The following SPAM1 variants were observed in gnomAD, a reference collection of about 807,000 sequenced individuals.
SPAM1 encodes the protein hyaluronidase PH-20.
In SPAM1, 22 loss-of-function variants were observed where a neutral mutation model predicts 29.6. That is an observed-to-expected ratio of 0.74 (90% CI 0.53 to 1.06). SPAM1 has a LOEUF of 1.06. SPAM1 is among the 50% of genes least tolerant of loss of function. The probability of loss-of-function intolerance (pLI) is 0.00; values close to 1 mark genes in which losing one functional copy is unlikely to be tolerated. For synonymous variants in SPAM1, 194 were observed against 204.6 expected (o/e 0.95, Z 0.44); for missense variants, 534 against 604.0 (o/e 0.88, Z 1.21).
chr7:123,948,966 T>C (rs1163815929), intron 1 of SPAM1, among the ~76,000 whole-genome samples: 1 of 139,882 alleles, frequency 7.1e-6, no homozygotes, highest in Non-Finnish European at 1.6e-5. Flanking sequence ...AGCCAAGAAA[T>C]TTGGCTCTTT....
chr7:123,948,652 C>T (rs1019777077), intron 1 of SPAM1, among the ~76,000 whole-genome samples: 2 of 152,064 alleles, frequency 1.3e-5, no homozygotes, highest in African/African-American at 4.8e-5. Flanking sequence ...GGTTTGCTTT[C>T]ACCAAAGTTA....
chr7:123,932,896 C>G (rs1584947176), intron 1 of SPAM1, among the ~76,000 whole-genome samples: 2 of 152,120 alleles, frequency 1.3e-5, no homozygotes, highest in African/African-American at 4.8e-5. Flanking sequence ...GGTGTCCCAG[C>G]CAATGATATC....
At chr7:123,945,631 G>A (rs1584954110) in intron 1 of SPAM1, among the ~76,000 whole-genome samples, 2 of 152,308 alleles carry the variant, frequency 1.3e-5, no homozygotes, top group Middle Eastern at 3.4e-3. Flanking sequence ...AAAGGGGCAA[G>A]AGGTGCCTGT....
chr7:123,951,603 GC>G (rs1453704479), intron 2 of SPAM1, among the ~76,000 whole-genome samples: 5 of 151,942 alleles, frequency 3.3e-5, no homozygotes, highest in South Asian at 4.2e-4. Flanking sequence ...GGCTCATTCT[GC>G]CCCATGTTTT....
intron 1 of SPAM1, among the ~76,000 whole-genome samples, chr7:123,931,589 C>T (rs781241248): frequency 6.9e-4 from 105 of 152,180 alleles, no homozygotes; most frequent in Non-Finnish European, 6.2e-4. Flanking sequence ...TGAACTGAAG[C>T]GTAAAAATAG....
intron 1 of SPAM1, chr7:123,932,024 A>G (rs1470385148): frequency 2.6e-5 from 4 of 152,250 alleles, no homozygotes. Context: ...CATATGAAAA[A>G]TGACACAAAA....
intron 2 of SPAM1, among the ~76,000 whole-genome samples, chr7:123,952,112 A>T (rs544962340): frequency 6.6e-6 from 1 of 152,116 alleles, no homozygotes; most frequent in East Asian, 1.9e-4. Context: ...TTTCCCCCTA[A>T]TATTATTTTA....
intron 1 of SPAM1, among the ~76,000 whole-genome samples, chr7:123,930,517 C>CT (rs1430739478): frequency 1.3e-5 from 2 of 152,186 alleles, no homozygotes; most frequent in Non-Finnish European, 2.9e-5. Context: ...TGAAAAGACT[C>CT]TCATTTCACA....
Position 123,953,930 on chromosome 7 carries a change from A to C in SPAM1, c.360A>C (p.Leu120Phe). Residue 120 changes from leucine (L) to phenylalanine (F), a missense_variant, in exon 3 of 5, where the codon TTA (leucine) becomes TTC (phenylalanine). Coordinates refer to ENST00000682466, the MANE Select transcript of SPAM1 (RefSeq NM_153189.3). Reference protein sequence around the residue: ...VNGGIPQKISLQDHLDKAKKD... With the variant: ...VNGGIPQKISFQDHLDKAKKD... ...GAGGAATCCCCCAGAAGATTTCCTT[A>C]CAAGACCATCTGGACAAAGCTAAGA... 6.2e-7 allele frequency: 1 copy of C among 1,613,780 alleles called. No individual in the cohort carries two copies. Among genetic ancestry groups the C allele is most frequent in the Non-Finnish European group, 8.5e-7 (1 of 1,179,820 alleles).
chr7:123,962,731 TACTA>T (rs1374069330), downstream of SPAM1, among the ~76,000 whole-genome samples: 1 of 151,930 alleles, frequency 6.6e-6, no homozygotes, highest in Non-Finnish European at 1.5e-5. Context: ...TATGAAATAA[TACTA>T]AGTGGAAAAC....
rs1261850502 is a variant in SPAM1 at position 123,937,441 on chromosome 7, A to T, written c.-319+12089A>T. Among the ~76,000 whole-genome samples the T allele has an allele frequency of 4.6e-5, 7 of 152,024 alleles. No individual in the cohort carries two copies. The East Asian group carries it at 1.2e-3, about 25-fold the overall frequency. Reference sequence around the variant, plus strand: ...ATGGTGAAATCCCGTCTCTACTAAAAATACAAAAAATTAGCCGGGCATGGT... The same window carrying T: ...ATGGTGAAATCCCGTCTCTACTAAATATACAAAAAATTAGCCGGGCATGGT... On this transcript the variant is annotated intron_variant, in intron 1 of 4. Transcript: ENST00000682466.
At chr7:123,951,704 C>T (rs1461467947) in intron 2 of SPAM1, among the ~76,000 whole-genome samples, 1 of 152,136 alleles carries the variant, frequency 6.6e-6, no homozygotes, top group African/African-American at 2.4e-5. Context: ...TCCCTGCAAC[C>T]TCTGCCTCCC....
At position 123,954,230 on chromosome 7, in the gene SPAM1, T is replaced by C. The variant is rs780137128; in HGVS notation, c.660T>C (p.Leu220=). 1.2e-6 allele frequency: 2 copies of C among 1,613,542 alleles called. No individual in the cohort carries two copies. Among genetic ancestry groups the C allele is most frequent in the South Asian group, 2.2e-5 (2 of 91,052 alleles). The change falls in exon 3 of 5, where the codon CTT becomes CTC. Residue 220 remains leucine (L), a synonymous_variant. Coordinates refer to ENST00000682466, the MANE Select transcript of SPAM1 (RefSeq NM_153189.3). The part of the protein sequence containing the change: ...LRPNHLWGYY[L]FPDCYNHHYK... ...CAAATCACTTGTGGGGTTATTATCT[T>C]TTTCCGGATTGTTACAACCATCACT... is the stretch of plus-strand genomic sequence containing the variant.
chr7:123,951,297 C>G (rs1425694613), intron 2 of SPAM1, among the ~76,000 whole-genome samples: 1 of 151,988 alleles, frequency 6.6e-6, no homozygotes, highest in Non-Finnish European at 1.5e-5. Flanking sequence ...GTTTTTGTTG[C>G]ATTTGCTTTT....
chr7:123,967,420 C>T (rs1226421241), intron 5 of SPAM1, among the ~76,000 whole-genome samples: 2 of 151,922 alleles, frequency 1.3e-5, no homozygotes, highest in African/African-American at 4.8e-5. Context: ...TTTTTTTCTA[C>T]AAGTAAATTA....
downstream of SPAM1, among the ~76,000 whole-genome samples, chr7:123,963,468 AGAG>A (rs1235846384): frequency 6.6e-6 from 1 of 151,842 alleles, no homozygotes; most frequent in African/African-American, 2.4e-5. Context: ...TAGTGTGAAA[AGAG>A]GAACCAAAGA....
chr7:123,929,273 A>C (rs1180189639), intron 1 of SPAM1, among the ~76,000 whole-genome samples: 1 of 152,086 alleles, frequency 6.6e-6, no homozygotes, highest in African/African-American at 2.4e-5. Flanking sequence ...TATCACTTTT[A>C]TGAGGCCCTA....
downstream of SPAM1, among the ~76,000 whole-genome samples, chr7:123,961,084 A>G (rs1268595416): frequency 6.6e-6 from 1 of 151,850 alleles, no homozygotes; most frequent in Non-Finnish European, 1.5e-5. Context: ...TTTATGGGGT[A>G]GAGAGTAATA....
At chr7:123,970,111 A>G in intron 5 of SPAM1, 6 of 1,382,034 alleles carry the variant, frequency 4.3e-6, no homozygotes, top group Non-Finnish European at 6.0e-6. Flanking sequence ...GTATATCTCC[A>G]TTAGTTTGCT....
Sources: gnomAD v4.1 joint callset for allele counts (sites outside exome capture counted in the v4.1 genomes callset) on GRCh38, gnomAD v4.1.1 for gene constraint, MANE v1.5 for transcripts, NCBI Gene and HGNC (gene_info 2026-07-23, HGNC 2026-07-21) for gene names.